The following KLK12 variants were observed in gnomAD, a reference collection of about 807,000 sequenced individuals.
KLK12 encodes kallikrein-12.
In KLK12, 23 loss-of-function variants were observed where a neutral mutation model predicts 20.0. The observed-to-expected ratio is 1.15, with a 90% CI of 0.83 to 1.63. The LOEUF (loss-of-function observed/expected upper bound fraction) is 1.63. KLK12 is among the 40% of genes most tolerant of loss of function. The pLI is 0.00. For synonymous variants in KLK12, 147 were observed against 141.9 expected, an observed-to-expected ratio of 1.04 and a Z score of -0.25; for missense variants, 351 against 338.6, an observed-to-expected ratio of 1.04 and a Z score of -0.29.
chr19:51,032,425 C>T (rs1176991991), intron 3 of KLK12, among the ~76,000 whole-genome samples: 2 of 139,618 alleles, frequency 1.4e-5, no homozygotes, highest in South Asian at 2.3e-4. Context: ...CTCGCTCTGT[C>T]GCCCAGGCTG....
At chr19:51,031,806 T>A (rs2091560606) in intron 4 of KLK12, 70 bp downstream of exon 4, 1 of 1,518,178 alleles carries the variant, frequency 6.6e-7, no homozygotes, top group East Asian at 2.3e-5. Flanking sequence ...GTGTCATGAT[T>A]CGACCTCTCG....
At chr19:51,031,595 C>CATACATATATATAT (rs6146546) in intron 4 of KLK12, among the ~76,000 whole-genome samples, 27,738 of 120,308 alleles carry the variant, frequency 0.23, 4,060 homozygotes, top group East Asian at 0.36. Flanking sequence ...CCTATACATA[C>CATACATATATATAT]ATATATATAT....
At chr19:51,033,788 A>AC in intron 3 of KLK12, 192 bp downstream of exon 3, 1 of 649,886 alleles carries the variant, frequency 1.5e-6, no homozygotes. Context: ...CCGGCCCTCC[A>AC]CCCAACATAC....
In KLK12 at chr19:51,032,078, C is replaced by T. The variant is rs769206930; in HGVS notation, c.255G>A (p.Gln85=). 1 of 1,605,168 alleles carries T rather than the reference C, an allele frequency of 6.2e-7. No homozygotes were observed. Among genetic ancestry groups the T allele is most frequent in the South Asian group, 1.1e-5 (1 of 90,344 alleles). The change falls in exon 4 of 6, where the codon CAG becomes CAA. Residue 85 remains glutamine, a synonymous_variant. Coordinates refer to ENST00000684732, the MANE Select transcript of KLK12 (RefSeq NM_001370125.1). ...TCACAGAGAAGCCGCTGTGCCGGAT[C>T]TGCTCGGTCCAGTCGAGCTGGCTGA... ...HSLSQLDWTE[Q]IRHSGFSVTH... is the part of the protein sequence containing the mutation.
intron 5 of KLK12, chr19:51,030,124 C>T (rs1487634516): frequency 1.3e-5 from 2 of 155,138 alleles, no homozygotes; most frequent in African/African-American, 4.8e-5. Context: ...GACTTAGAGC[C>T]CCAGAAACAG....
intron 3 of KLK12, 108 bp downstream of exon 3, chr19:51,033,872 G>A: frequency 8.9e-7 from 1 of 1,121,218 alleles, no homozygotes; most frequent in Non-Finnish European, 1.3e-6. Context: ...AGACTCTCTT[G>A]TTGCAGGATC....
At chr19:51,030,749 C>G (rs367964500) in intron 5 of KLK12, 39 bp downstream of exon 5, 62 of 1,611,500 alleles carry the variant, frequency 3.8e-5, no homozygotes, top group Non-Finnish European at 4.8e-5. Flanking sequence ...CCTTCACTTC[C>G]TGTCCTGGTG....
Position 51,032,151 on chromosome 19 carries a change from G to T in KLK12, c.198-16C>A. ...CCAGTACCTGCTGCCGGTGGCGACG[G>T]CTGAGCGGGTGGCAGGCACGCAGTC... On this transcript the variant is annotated splice_polypyrimidine_tract_variant and intron_variant, in intron 3 of 5. Transcript: ENST00000684732. The T allele has an allele frequency of 1.3e-6, 2 of 1,588,434 alleles. No individual in the cohort carries two copies. The highest frequency in any genetic ancestry group is 1.3e-5 in the African/African-American group (1 of 74,496).
chr19:51,034,545 A>G, intron 2 of KLK12, 40 bp downstream of exon 2: 1 of 1,601,610 alleles, frequency 6.2e-7, no homozygotes, highest in Non-Finnish European at 8.5e-7. Context: ...GAAGGGATCC[A>G]GTCGCAGTCC....
intron 3 of KLK12, 115 bp from the exon 4 acceptor site, chr19:51,032,250 C>A: frequency 1.7e-6 from 2 of 1,185,526 alleles, no homozygotes; most frequent in South Asian, 2.6e-5. Flanking sequence ...CACTGTCTGT[C>A]CTCTCACCCG....
rs1453725078 is a variant in KLK12, at chr19:51,034,028, A to T, written c.149T>A (p.Val50Asp). The change falls in exon 3 of 6, where the codon GTC (valine) becomes GAC (aspartate). Residue 50 changes from valine (V) to aspartate (D), a missense_variant. Transcript: ENST00000684732. Reference protein sequence around the residue: ...FEGTSLRCGGVLIDHRWVLTA... With the variant: ...FEGTSLRCGGDLIDHRWVLTA... ...GAGGACCCACCTGTGGTCAATAAGGACACCCCCGCAGCGCAGGCTGGTGCC... is the reference window on the plus strand; with the variant it reads ...GAGGACCCACCTGTGGTCAATAAGGTCACCCCCGCAGCGCAGGCTGGTGCC... 1 of 1,607,450 alleles carries T rather than the reference A, an allele frequency of 6.2e-7. No individual in the cohort carries two copies. The highest frequency in any genetic ancestry group is 2.2e-5 in the East Asian group (1 of 44,710).
At chr19:51,034,388 G>A (rs1210886231) in intron 2 of KLK12, 197 bp downstream of exon 2, 9 of 1,401,512 alleles carry the variant, frequency 6.4e-6, no homozygotes, top group Admixed American at 2.7e-5. Flanking sequence ...GAAGGGAAGA[G>A]GGATCAAAAA....
rs751485779 is a variant in KLK12 at position 51,030,890 on chromosome 19, G to A, written c.489C>T (p.Asn163=). 6.2e-7 allele frequency: 1 copy of A among 1,614,156 alleles called. No homozygotes were observed. Among genetic ancestry groups the A allele is most frequent in the South Asian group, 1.1e-5 (1 of 91,088 alleles). Residue 163 remains asparagine (N), a synonymous_variant, in exon 5 of 6, where the codon AAC becomes AAT. Transcript: ENST00000684732. ...AGGTGGCATGGGAGACGATGGAGAG[G>A]TTGAGGCACTGGAGCAGATCCGGGA... ...NPFPDLLQCL[N]LSIVSHATCH... is the part of the protein sequence containing the mutation.
intron 5 of KLK12, 139 bp from the exon 6 acceptor site, chr19:51,029,596 G>A (rs1157366431): frequency 5.8e-5 from 41 of 712,186 alleles, no homozygotes; most frequent in South Asian, 5.1e-4. Flanking sequence ...TCACTTTCCC[G>A]GAGGACAATG....
intron 4 of KLK12, among the ~76,000 whole-genome samples, chr19:51,031,169 C>CTCT (rs1052818600): frequency 6.6e-6 from 1 of 152,204 alleles, no homozygotes; most frequent in Non-Finnish European, 1.5e-5. Flanking sequence ...ACTTTCTTGT[C>CTCT]TCTCCAGCGT....
In KLK12 at chr19:51,031,974, A is replaced by G; in HGVS notation, c.359T>C (p.Val120Ala). The G allele has an allele frequency of 6.2e-7, 1 of 1,613,238 alleles. No individual in the cohort carries two copies. The highest frequency in any genetic ancestry group is 8.5e-7 in the Non-Finnish European group (1 of 1,179,718). ...RLLRLRLPVRVTSSVQPLPLP... is the reference protein window; with the variant it reads ...RLLRLRLPVRATSSVQPLPLP... ...GGGCAGGGGTTGAACGCTGCTGGTTACGCGGACGGGCAGGCGCAGCCGCAG... is the reference window on the plus strand; with the variant it reads ...GGGCAGGGGTTGAACGCTGCTGGTTGCGCGGACGGGCAGGCGCAGCCGCAG... The change falls in exon 4 of 6, where the codon GTA (valine) becomes GCA (alanine). Residue 120 changes from valine (V) to alanine (A), a missense_variant. Coordinates refer to ENST00000684732, the MANE Select transcript of KLK12 (RefSeq NM_001370125.1).
In KLK12 at chr19:51,034,030, AC is replaced by A; in HGVS notation, c.146del (p.Gly49ValfsTer45). ...GGACCCACCTGTGGTCAATAAGGAC[AC>A]CCCCGCAGCGCAGGCTGGTGCCCTC... ...LFEGTSLRCG[G>X]VLIDHRWVLT... On this transcript the variant is annotated frameshift_variant, in exon 3 of 6. Coordinates refer to ENST00000684732, the MANE Select transcript of KLK12 (RefSeq NM_001370125.1). LOFTEE classifies it high-confidence loss of function. 2 of 1,604,462 alleles carry A rather than the reference AC, an allele frequency of 1.2e-6. No homozygotes were observed. Among genetic ancestry groups the A allele is most frequent in the South Asian group, 1.1e-5 (1 of 89,238 alleles).
Position 51,029,307 on chromosome 19 carries a change from T to C in KLK12, c.742A>G (p.Asn248Asp). The C allele has an allele frequency of 6.2e-7, 1 of 1,613,990 alleles. No individual in the cohort carries two copies. Among genetic ancestry groups the C allele is most frequent in the Non-Finnish European group, 8.5e-7 (1 of 1,179,996 alleles). Residue 248 changes from asparagine to aspartate, a missense_variant, in exon 6 of 6, where the codon AAC becomes GAC. Coordinates refer to ENST00000684732, the MANE Select transcript of KLK12 (RefSeq NM_001370125.1). ...VDWIRMIMRN[N>D] ...GTGGAGGTGGAGGAAACAGGTCAGT[T>C]GTTCCTCATGATCATCCGGATCCAG...
rs1025348656 is a variant in KLK12, at chr19:51,032,093, G to A, written c.240C>T (p.Leu80=). The A allele has an allele frequency of 2.5e-6, 4 of 1,604,300 alleles. No individual in the cohort carries two copies. The highest frequency in any genetic ancestry group is 1.1e-5 in the South Asian group (1 of 90,300). ...VRLGEHSLSQ[L]DWTEQIRHSG... is the part of the protein sequence containing the mutation. ...TGTGCCGGATCTGCTCGGTCCAGTC[G>A]AGCTGGCTGAGGCTGTGTTCCCCCA... Residue 80 remains leucine, a synonymous_variant, in exon 4 of 6, where the codon CTC becomes CTT. Coordinates refer to ENST00000684732, the MANE Select transcript of KLK12 (RefSeq NM_001370125.1).
Sources: gnomAD v4.1 joint callset for allele counts (sites outside exome capture counted in the v4.1 genomes callset) on GRCh38, gnomAD v4.1.1 for gene constraint, MANE v1.5 for transcripts, NCBI Gene and HGNC (gene_info 2026-07-23, HGNC 2026-07-21) for gene names.